SPMIP2: variants seen among roughly 807,000 people sequenced by gnomAD.
SPMIP2 encodes sperm microtubule inner protein 2.
the SPMIP2 span, among the ~76,000 whole-genome samples, chr4:159,002,719 T>C: frequency 1.3e-5 from 2 of 152,108 alleles, no homozygotes; most frequent in Non-Finnish European, 2.9e-5. Context: ...GACTATCACT[T>C]TTCACTAAAT....
At chr4:158,932,603 T>C in the SPMIP2 span, among the ~76,000 whole-genome samples, 1 of 152,234 alleles carries the variant, frequency 6.6e-6, no homozygotes, top group African/African-American at 2.4e-5. Flanking sequence ...ATTTCTCATT[T>C]CTTTGGGTGT....
chr4:159,037,783 T>TACACACAC, the SPMIP2 span, among the ~76,000 whole-genome samples: 45 of 97,594 alleles, frequency 4.6e-4, no homozygotes, highest in African/African-American at 1.6e-3. Flanking sequence ...AAAAACAATA[T>TACACACAC]ATACACACAC....
At chr4:158,968,802 A>T in the SPMIP2 span, among the ~76,000 whole-genome samples, 5 of 152,296 alleles carry the variant, frequency 3.3e-5, no homozygotes, top group African/African-American at 1.2e-4. Context: ...AGCCAATCTT[A>T]TATCAGTTTA....
chr4:159,027,495 TA>T, the SPMIP2 span, among the ~76,000 whole-genome samples: 6 of 152,126 alleles, frequency 3.9e-5, no homozygotes, highest in Non-Finnish European at 8.8e-5. Context: ...AAAATAAAAA[TA>T]GACAAATAAA....
the SPMIP2 span, among the ~76,000 whole-genome samples, chr4:158,989,832 A>C: frequency 6.6e-6 from 1 of 152,240 alleles, no homozygotes; most frequent in Admixed American, 6.5e-5. Context: ...CAAAGACTTC[A>C]TGACTAAAAC....
At chr4:158,942,013 C>T in the SPMIP2 span, among the ~76,000 whole-genome samples, 1 of 152,210 alleles carries the variant, frequency 6.6e-6, no homozygotes, top group Middle Eastern at 3.2e-3. Context: ...AAGATCCTAG[C>T]TCTGCTCAGT....
chr4:158,948,305 A>T, the SPMIP2 span, among the ~76,000 whole-genome samples: 1 of 152,194 alleles, frequency 6.6e-6, no homozygotes, highest in East Asian at 1.9e-4. Context: ...TGGGGGGAAA[A>T]AAAGCTTGGA....
At chr4:158,916,619 A>ATATGTATGTATGTATG in the SPMIP2 span, among the ~76,000 whole-genome samples, 18 of 150,616 alleles carry the variant, frequency 1.2e-4, no homozygotes, top group Admixed American at 2.6e-4. Context: ...ATGTATGTAC[A>ATATGTATGTATGTATG]TATGTATGTA....
chr4:158,904,085 A>C, the SPMIP2 span, among the ~76,000 whole-genome samples: 4 of 152,342 alleles, frequency 2.6e-5, no homozygotes, highest in African/African-American at 9.6e-5. Flanking sequence ...ATCAGTATGC[A>C]TTTAGAAGTG....
At chr4:158,977,189 C>T in the SPMIP2 span, among the ~76,000 whole-genome samples, 27 of 152,222 alleles carry the variant, frequency 1.8e-4, no homozygotes, top group East Asian at 5.0e-3. Context: ...CCACTTTGCA[C>T]CCCCCTGGTA....
the SPMIP2 span, among the ~76,000 whole-genome samples, chr4:159,008,660 A>G: frequency 2.0e-5 from 3 of 152,198 alleles, no homozygotes; most frequent in Non-Finnish European, 2.9e-5. Flanking sequence ...ATGAACTAGT[A>G]TTGTACATAT....
the SPMIP2 span, among the ~76,000 whole-genome samples, chr4:159,062,291 T>C: frequency 6.6e-6 from 1 of 152,236 alleles, no homozygotes; most frequent in Non-Finnish European, 1.5e-5. Context: ...ACTAAGGTAA[T>C]TGGCTTTAGT....
the SPMIP2 span, among the ~76,000 whole-genome samples, chr4:159,013,204 A>G: frequency 0.98 from 149,315 of 152,320 alleles, 73,245 homozygotes; most frequent in East Asian, 1. Flanking sequence ...AAACAGAGAA[A>G]TGCCATGAGA....
At chr4:158,992,037 G>GC in the SPMIP2 span, among the ~76,000 whole-genome samples, 5 of 151,690 alleles carry the variant, frequency 3.3e-5, no homozygotes, top group Non-Finnish European at 5.9e-5. Flanking sequence ...GATTACAGGT[G>GC]CAGGCCATCA....
At chr4:158,902,860 C>T in the SPMIP2 span, among the ~76,000 whole-genome samples, 34 of 152,288 alleles carry the variant, frequency 2.2e-4, no homozygotes, top group African/African-American at 6.7e-4. Flanking sequence ...CGTCCCAGGT[C>T]GACCTCAGAC....
At chr4:158,897,522 G>A in the SPMIP2 span, among the ~76,000 whole-genome samples, 62 of 152,148 alleles carry the variant, frequency 4.1e-4, 1 homozygote, top group African/African-American at 1.5e-3. Flanking sequence ...TGACTTTTTA[G>A]TGATTGCCGT....
At chr4:159,080,731 ATTTG>A in the SPMIP2 span, among the ~76,000 whole-genome samples, 87,149 of 150,888 alleles carry the variant, frequency 0.58, 25,291 homozygotes, top group Admixed American at 0.62. Flanking sequence ...GTGAAGTGTA[ATTTG>A]TTTGTTTGTT....
chr4:159,044,388 A>AAG, the SPMIP2 span, among the ~76,000 whole-genome samples: 2 of 138,352 alleles, frequency 1.4e-5, no homozygotes, highest in African/African-American at 5.5e-5. Flanking sequence ...AAAAAAAAAA[A>AAG]AGAGAGAAAG....
the SPMIP2 span, chr4:158,895,831 C>T: frequency 6.2e-7 from 1 of 1,613,090 alleles, no homozygotes; most frequent in Non-Finnish European, 8.5e-7. Flanking sequence ...GGGACACACA[C>T]GAGTCCATGT....
Sources: allele counts gnomAD v4.1 joint callset (sites outside exome capture counted in the v4.1 genomes callset), GRCh38; gene constraint gnomAD v4.1.1; transcripts MANE v1.5; gene names NCBI Gene and HGNC (gene_info 2026-07-23, HGNC 2026-07-21).